The following MACF1 variants were observed in gnomAD, a reference collection of about 807,000 sequenced individuals.
The protein encoded by MACF1 is microtubule actin crosslinking factor 1.
MACF1 carries 193 observed loss-of-function variants against 854.8 expected under a neutral mutation model. That is an observed-to-expected ratio of 0.23 (90% CI 0.20 to 0.25). MACF1 has a LOEUF of 0.25. Among genes scored for constraint, MACF1 ranks in the 10% least tolerant of loss-of-function variants. The pLI is 1.00. For missense variants in MACF1, 7,722 were observed against 8,929.1 expected (o/e 0.86, Z 5.45); for synonymous variants, 3,185 against 3,226.7 (o/e 0.99, Z 0.44).
intron 23 of MACF1, among the ~76,000 whole-genome samples, chr1:39,306,660 T>G (rs1571308218): frequency 6.7e-6 from 1 of 148,758 alleles, no homozygotes; most frequent in South Asian, 2.1e-4. Flanking sequence ...CCTGATTCAG[T>G]CAGTACTGTC....
chr1:39,480,026 A>C lies in MACF1; in HGVS notation c.22170+17A>C, dbSNP rs367891160. On this transcript the variant is annotated intron_variant, in intron 98 of 100. Transcript: ENST00000564288. The stretch of plus-strand genomic sequence containing the variant: ...GGAACCAAGGTATGTACTGATCTCC[A>C]TTATGCCCTTCTTCCCCAATCCCAC... The C allele has an allele frequency of 6.2e-7, 1 of 1,608,524 alleles. No individual in the cohort carries two copies. The highest frequency in any genetic ancestry group is 1.3e-5 in the African/African-American group (1 of 74,806).
Position 39,442,430 on chromosome 1 carries a change from C to T in MACF1, c.18967C>T (p.Leu6323=), listed in dbSNP as rs760287707. The change falls in exon 77 of 101, where the codon CTG becomes TTG. Residue 6323 remains leucine, a synonymous_variant. Coordinates refer to ENST00000564288, the MANE Select transcript of MACF1 (RefSeq NM_001394062.1). ...TGAGTAGCACAAACTAGAAGGGGCTCTGTTGGCCCTTGGTCAGTTCCAGCA... is the reference window on the plus strand; with the variant it reads ...TGAGTAGCACAAACTAGAAGGGGCTTTGTTGGCCCTTGGTCAGTTCCAGCA... ...AHRQHKLEGA[L]LALGQFQHAL... 2 of 1,614,006 alleles carry T rather than the reference C, an allele frequency of 1.2e-6. No individual in the cohort carries two copies. The highest frequency in any genetic ancestry group is 1.7e-5 in the Admixed American group (1 of 59,966).
At chr1:39,386,034 G>T (rs964352112) in intron 57 of MACF1, 105 bp downstream of exon 57, 21 of 1,312,352 alleles carry the variant, frequency 1.6e-5, no homozygotes, top group Admixed American at 2.5e-5. Flanking sequence ...TACGTAATTT[G>T]TAGACTCAGA....
At chr1:39,459,801 A>G in intron 91 of MACF1, 1 of 1,300,136 alleles carries the variant, frequency 7.7e-7, no homozygotes, top group Non-Finnish European at 1.0e-6. Context: ...GTATTTTTTT[A>G]TTTGTGCATA....
At chr1:39,316,618 C>A in intron 28 of MACF1, 89 bp downstream of exon 28, 1 of 1,339,242 alleles carries the variant, frequency 7.5e-7, no homozygotes, top group Non-Finnish European at 1.0e-6. Context: ...TGGCATGACA[C>A]TGATTTAAAT....
In MACF1 at chr1:39,434,406, TCAC is replaced by T; in HGVS notation, c.17566-7_17566-5del. On this transcript the variant is annotated splice_region_variant and splice_polypyrimidine_tract_variant and intron_variant, in intron 68 of 100. Transcript: ENST00000564288. ...TTATCCTTTTTTTTTTTTTTTTTGC[TCAC>T]ATAGGAAAAGACAGAGTCTCTAATA... 1.6e-6 allele frequency: 2 copies of T among 1,256,112 alleles called. No homozygotes were observed. The highest frequency in any genetic ancestry group is 2.2e-5 in the Admixed American group (1 of 44,882). 77.8% of individuals were successfully genotyped at this position (1,256,112 alleles called of 1,614,324 possible). A position where few individuals can be genotyped will look rare whatever the true frequency, so the allele number is the denominator to read the frequency against.
At chr1:39,285,495 T>G in intron 13 of MACF1, 105 bp downstream of exon 13, 1 of 1,515,042 alleles carries the variant, frequency 6.6e-7, no homozygotes, top group East Asian at 2.3e-5. Flanking sequence ...AGATGTATTA[T>G]TTCCCTTTTT....
intron 2 of MACF1, among the ~76,000 whole-genome samples, chr1:39,143,120 G>A (rs538653915): frequency 1.3e-5 from 2 of 152,296 alleles, no homozygotes; most frequent in East Asian, 3.9e-4. Context: ...CAGGCTGATT[G>A]TGGTAGCCAC....
intron 58 of MACF1, among the ~76,000 whole-genome samples, chr1:39,418,767 G>A (rs540514237): frequency 6.6e-6 from 1 of 152,244 alleles, no homozygotes; most frequent in South Asian, 2.1e-4. Flanking sequence ...AGAGACTGAG[G>A]TGAGAGAATC....
intron 69 of MACF1, among the ~76,000 whole-genome samples, chr1:39,435,114 A>G (rs1424079275): frequency 1.3e-5 from 2 of 152,274 alleles, no homozygotes; most frequent in Non-Finnish European, 2.9e-5. Flanking sequence ...GGACGTAGTC[A>G]GCAGTAAAGT....
intron 2 of MACF1, chr1:39,102,634 G>C: frequency 1.6e-6 from 1 of 627,746 alleles, no homozygotes; most frequent in African/African-American, 1.8e-5. Flanking sequence ...TATTTGATGA[G>C]GCTTTAATTG....
At chr1:39,410,342 G>A (rs1569939604) in intron 58 of MACF1, 2 of 1,613,792 alleles carry the variant, frequency 1.2e-6, no homozygotes, top group East Asian at 4.5e-5. Context: ...GAGGAGGATG[G>A]CTACATAGAG....
rs1553308665 is a variant in MACF1, at chr1:39,363,604, C to CT, written c.12771+1943dup. Among the ~76,000 whole-genome samples, 1,169 of 136,064 alleles carry CT rather than the reference C, an allele frequency of 8.6e-3. 5 individuals carry two copies. The highest frequency in any genetic ancestry group is 0.012 in the Admixed American group (158 of 13,516). The allele number at this position is 136,064 out of a possible 152,430, so 89.3% of individuals were successfully genotyped here. ...AACAAGACTCTTTCTTTCTTTCTTT[C>CT]TTTTTTTTTTTTTTTTGAGACAGAG... is the stretch of plus-strand genomic sequence containing the variant. On this transcript the variant is annotated intron_variant, in intron 49 of 100. Transcript: ENST00000564288.
intron 23 of MACF1, 75 bp from the exon 24 acceptor site, chr1:39,309,495 A>T: frequency 6.4e-7 from 1 of 1,565,418 alleles, no homozygotes; most frequent in South Asian, 1.2e-5. Context: ...AGGCAATCAC[A>T]TTTTTCCTTA....
At chr1:39,269,158 G>A in intron 6 of MACF1, 2 of 1,289,952 alleles carry the variant, frequency 1.6e-6, no homozygotes, top group Non-Finnish European at 1.0e-6. Flanking sequence ...CCAGCAGAAA[G>A]GAACTGCGAG....
chr1:39,346,267 G>C (rs1325324461), intron 40 of MACF1, among the ~76,000 whole-genome samples: 3 of 151,606 alleles, frequency 2.0e-5, no homozygotes, highest in South Asian at 2.1e-4. Context: ...GAGGCTGAGG[G>C]AGGAGAATAG....
chr1:39,452,137 C>T lies in MACF1; in HGVS notation c.20419-19C>T, dbSNP rs1357293492. 3.2e-6 allele frequency: 5 copies of T among 1,568,018 alleles called. No individual in the cohort carries two copies. The African/African-American group carries it at 6.8e-5, about 21-fold the overall frequency. The stretch of plus-strand genomic sequence containing the variant: ...AAAACATTCCTTGAACAAACAAATT[C>T]TCCTATTTTCTTTTCTAGGTTTTCC... On this transcript the variant is annotated intron_variant, in intron 85 of 100. Coordinates refer to ENST00000564288, the MANE Select transcript of MACF1 (RefSeq NM_001394062.1).
At chr1:39,203,157 C>T (rs1644412729), upstream of MACF1, among the ~76,000 whole-genome samples, 1 of 152,106 alleles carries the variant, frequency 6.6e-6, no homozygotes. Context: ...TTTTTTAAAG[C>T]TTGTGAGACT....
At chr1:39,421,942 G>C (rs1013949995) in intron 58 of MACF1, among the ~76,000 whole-genome samples, 10 of 152,224 alleles carry the variant, frequency 6.6e-5, no homozygotes, top group Non-Finnish European at 1.5e-4. Context: ...GGGCATGGTG[G>C]CGGGCGTCTG....
Sources: gnomAD v4.1 joint callset for allele counts (sites outside exome capture counted in the v4.1 genomes callset) on GRCh38, gnomAD v4.1.1 for gene constraint, MANE v1.5 for transcripts, NCBI Gene and HGNC (gene_info 2026-07-23, HGNC 2026-07-21) for gene names.